The following INSL6 variants were observed in gnomAD, a reference collection of about 807,000 sequenced individuals.
INSL6 encodes insulin like 6.
Under a neutral mutation model 9.4 loss-of-function variants are expected in INSL6, and 16 were observed. That is an observed-to-expected ratio of 1.70 (90% CI 1.15 to 2.59). The LOEUF (loss-of-function observed/expected upper bound fraction) is 2.59. Among genes scored for constraint, INSL6 ranks in the 30% most tolerant of loss-of-function variants. The pLI is 0.00. For synonymous variants in INSL6, 154 were observed against 96.9 expected (o/e 1.59, Z -3.46); for missense variants, 391 against 257.3 (o/e 1.52, Z -3.56).
chr9:5,122,958 C>A, downstream of INSL6: 1 of 1,200,726 alleles, frequency 8.3e-7, no homozygotes, highest in Non-Finnish European at 1.2e-6. Flanking sequence ...ATCAAGAGTC[C>A]ACATATCAAG....
At chr9:5,155,846 C>T (rs1824806083) in intron 2 of INSL6, among the ~76,000 whole-genome samples, 1 of 151,756 alleles carries the variant, frequency 6.6e-6, no homozygotes, top group South Asian at 2.1e-4. Context: ...TGCAGCAAAC[C>T]ACCATGGCAC....
chr9:5,005,690 T>A, the INSL6 span, among the ~76,000 whole-genome samples: 2 of 152,210 alleles, frequency 1.3e-5, no homozygotes, highest in African/African-American at 4.8e-5. Context: ...TGTGGGTAAG[T>A]GTTTTTTATT....
At chr9:5,138,038 T>C (rs1242919679) in intron 2 of INSL6, among the ~76,000 whole-genome samples, 6 of 152,190 alleles carry the variant, frequency 3.9e-5, no homozygotes, top group African/African-American at 1.4e-4. Flanking sequence ...TGAGATATCA[T>C]CTCATGCCAG....
the INSL6 span, among the ~76,000 whole-genome samples, chr9:5,064,178 T>A: frequency 3.3e-5 from 5 of 151,206 alleles, no homozygotes; most frequent in Admixed American, 6.6e-5. Flanking sequence ...AAAAAAATCA[T>A]AGCATAGCTA....
the INSL6 span, among the ~76,000 whole-genome samples, chr9:5,033,125 C>T: frequency 3.6e-3 from 547 of 152,098 alleles, 3 homozygotes; most frequent in African/African-American, 0.013. Context: ...CCGATTCAAT[C>T]AATAGGAAGA....
the INSL6 span, chr9:5,114,327 G>T: frequency 7.4e-6 from 4 of 539,198 alleles, no homozygotes; most frequent in South Asian, 1.6e-5. Context: ...GAAGTCTGTG[G>T]CTCAGGTCAT....
chr9:5,162,244 AT>A (rs1345344610), downstream of INSL6, among the ~76,000 whole-genome samples: 1 of 151,796 alleles, frequency 6.6e-6, no homozygotes, highest in Non-Finnish European at 1.5e-5. Flanking sequence ...TCAATTTGGG[AT>A]TGCTCTAAGG....
chr9:5,068,187 A>C, the INSL6 span, among the ~76,000 whole-genome samples: 2 of 151,976 alleles, frequency 1.3e-5, no homozygotes, highest in Admixed American at 6.5e-5. Flanking sequence ...AAAAAAAAAA[A>C]AACAAGAAAG....
intron 2 of INSL6, among the ~76,000 whole-genome samples, chr9:5,153,943 G>C (rs986035252): frequency 1.3e-4 from 20 of 152,160 alleles, no homozygotes; most frequent in Non-Finnish European, 7.3e-5. Flanking sequence ...AGCTACCTTT[G>C]ACTTTCTTCA....
At chr9:5,053,130 C>T in the INSL6 span, among the ~76,000 whole-genome samples, 1 of 152,048 alleles carries the variant, frequency 6.6e-6, no homozygotes, top group East Asian at 1.9e-4. Context: ...AGAGTTCCAA[C>T]TCTTTCCGCA....
chr9:5,069,695 A>C, the INSL6 span, among the ~76,000 whole-genome samples: 1 of 152,292 alleles, frequency 6.6e-6, no homozygotes, highest in South Asian at 2.1e-4. Flanking sequence ...CAAAATCCAA[A>C]TTACATTAGT....
At chr9:5,173,159 A>G (rs1026777045) in intron 1 of INSL6, among the ~76,000 whole-genome samples, 2 of 152,322 alleles carry the variant, frequency 1.3e-5, no homozygotes, top group Non-Finnish European at 1.5e-5. Context: ...ACTAATTCCT[A>G]CTGTTGGTGG....
intron 3 of INSL6, among the ~76,000 whole-genome samples, chr9:5,129,293 C>T (rs1450187576): frequency 1.3e-5 from 2 of 151,952 alleles, no homozygotes; most frequent in Non-Finnish European, 2.9e-5. Flanking sequence ...TATTCAGAAG[C>T]GATTTTCTTT....
the INSL6 span, chr9:5,073,777 G>T: frequency 6.2e-7 from 1 of 1,602,722 alleles, no homozygotes; most frequent in Non-Finnish European, 8.5e-7. Context: ...TGTGTCTGTG[G>T]AGACGAGAGT....
the INSL6 span, among the ~76,000 whole-genome samples, chr9:5,048,670 A>T: frequency 6.6e-6 from 1 of 152,216 alleles, no homozygotes; most frequent in Non-Finnish European, 1.5e-5. Flanking sequence ...GTGGTTCTTA[A>T]TAGTTTATTT....
At chr9:5,031,566 A>G in the INSL6 span, among the ~76,000 whole-genome samples, 1 of 152,250 alleles carries the variant, frequency 6.6e-6, no homozygotes, top group African/African-American at 2.4e-5. Flanking sequence ...GATAAATTAT[A>G]GATTGATTAA....
the INSL6 span, chr9:5,086,169 C>G: frequency 7.6e-6 from 3 of 394,480 alleles, no homozygotes; most frequent in South Asian, 5.6e-5. Context: ...GGTCTCCACG[C>G]CGCCGGTCTC....
the INSL6 span, among the ~76,000 whole-genome samples, chr9:5,107,735 G>A: frequency 6.6e-6 from 1 of 152,032 alleles, no homozygotes; most frequent in Non-Finnish European, 1.5e-5. Flanking sequence ...TATGTGCCTA[G>A]AAGGCATAAT....
chr9:5,078,686 T>C, the INSL6 span, among the ~76,000 whole-genome samples: 1 of 152,162 alleles, frequency 6.6e-6, no homozygotes, highest in African/African-American at 2.4e-5. Context: ...TCTAATTATG[T>C]ATGAAGGATA....
Sources: gnomAD v4.1 joint callset for allele counts (sites outside exome capture counted in the v4.1 genomes callset) on GRCh38, gnomAD v4.1.1 for gene constraint, MANE v1.5 for transcripts, NCBI Gene and HGNC (gene_info 2026-07-23, HGNC 2026-07-21) for gene names.